Variants in TECPR1 observed in about 807,000 individuals in gnomAD.
TECPR1 encodes the protein tectonin beta-propeller repeat-containing protein 1.
TECPR1 carries 122 observed loss-of-function variants against 162.4 expected under a neutral mutation model. The observed-to-expected ratio is 0.75, with a 90% CI of 0.65 to 0.87. The LOEUF (loss-of-function observed/expected upper bound fraction) is 0.87, where lower values mean the gene tolerates loss of function less well. TECPR1 is among the 40% of genes least tolerant of loss of function. The probability of loss-of-function intolerance (pLI) is 0.00; values close to 1 mark genes in which losing one functional copy is unlikely to be tolerated. For missense variants in TECPR1, 1,432 were observed against 1,618.2 expected (o/e 0.88, Z 1.97); for synonymous variants, 642 against 670.6 (o/e 0.96, Z 0.66).
chr7:98,238,685 G>T, intron 8 of TECPR1, 75 bp from the exon 9 acceptor site: 1 of 1,174,270 alleles, frequency 8.5e-7, no homozygotes. Flanking sequence ...AAGCCTCAGG[G>T]AGAACAAGTG....
At chr7:98,238,722 G>T in intron 8 of TECPR1, 112 bp from the exon 9 acceptor site, 1 of 859,398 alleles carries the variant, frequency 1.2e-6, no homozygotes. Context: ...GGTTCACGTC[G>T]CAAATGAGCA....
Position 98,247,977 on chromosome 7 carries a change from T to C in TECPR1, c.-19-1812A>G, listed in dbSNP as rs1487356244. Among the ~76,000 whole-genome samples the C allele has an allele frequency of 3.3e-5, 5 of 152,300 alleles. No individual in the cohort carries two copies. The East Asian group carries it at 9.7e-4, about 29-fold the overall frequency. On this transcript the variant is annotated intron_variant, in intron 2 of 25. Transcript: ENST00000447648. ...CTGGCCTCAAGCGATCCTCCCACCT[T>C]GGCCTCCCGAAGCGCTGGGATTATA...
chr7:98,220,070 G>A (rs182729220), intron 23 of TECPR1, among the ~76,000 whole-genome samples: 52 of 152,074 alleles, frequency 3.4e-4, no homozygotes, highest in African/African-American at 9.9e-4. Context: ...AGCCAGGCGC[G>A]GTGGCTCATG....
intron 11 of TECPR1, 192 bp from the exon 12 acceptor site, chr7:98,233,164 C>T: frequency 1.3e-6 from 1 of 793,082 alleles, no homozygotes. Context: ...AAGCAGCCAC[C>T]ACCGCTAGCA....
intron 8 of TECPR1, among the ~76,000 whole-genome samples, chr7:98,238,947 G>A (rs1798674525): frequency 6.6e-6 from 1 of 152,140 alleles, no homozygotes; most frequent in African/African-American, 2.4e-5. Flanking sequence ...GAAAGACAAC[G>A]GCCTTAATAC....
chr7:98,229,079 G>A lies in TECPR1; in HGVS notation c.2370C>T (p.Ala790=), dbSNP rs902354509. Residue 790 remains alanine (A), a synonymous_variant, in exon 16 of 26, where the codon GCC becomes GCT. Transcript: ENST00000447648. The part of the protein sequence containing the change: ...VVWGIGYDHT[A]WVYTGGYGGG... The stretch of plus-strand genomic sequence containing the variant: ...CTCCATAGCCGCCTGTGTATACCCA[G>A]GCCGTGTGGTCATAGCCGATGCCCC... 6.3e-7 allele frequency: 1 copy of A among 1,592,472 alleles called. No homozygotes were observed. The highest frequency in any genetic ancestry group is 1.3e-5 in the African/African-American group (1 of 74,694).
chr7:98,238,407 G>A (rs1421007873), intron 9 of TECPR1, 102 bp downstream of exon 9: 3 of 925,196 alleles, frequency 3.2e-6, no homozygotes, highest in Non-Finnish European at 5.2e-6. Flanking sequence ...TGGAGTGGGG[G>A]GCTCTCCTAC....
chr7:98,246,612 C>T (rs562002775), intron 2 of TECPR1, among the ~76,000 whole-genome samples: 1 of 151,312 alleles, frequency 6.6e-6, no homozygotes, highest in Non-Finnish European at 1.5e-5. Flanking sequence ...GACGGAGTCT[C>T]GCTCTGTTGC....
intron 17 of TECPR1, among the ~76,000 whole-genome samples, chr7:98,225,304 G>A (rs570624542): frequency 8.3e-4 from 127 of 152,352 alleles, no homozygotes; most frequent in Non-Finnish European, 1.2e-3. Context: ...GGAGGCTGAC[G>A]CGGGCAGATC....
In TECPR1 at chr7:98,217,501, T is replaced by C. The variant is rs773879827; in HGVS notation, c.3387A>G (p.Gly1129=). Residue 1129 remains glycine (G), a splice_region_variant and synonymous_variant, in exon 26 of 26, where the codon GGA becomes GGG. Transcript: ENST00000447648. ...CCCGGACAGAGATATGGTCCCAGCC[T>C]CCCTGGAAGGAGAGAGCTGTGTCAC... ...KGHGWDYGIG[G]GWDHISVRAN... 1 of 1,601,846 alleles carries C rather than the reference T, an allele frequency of 6.2e-7. No homozygotes were observed. Among genetic ancestry groups the C allele is most frequent in the African/African-American group, 1.3e-5 (1 of 74,732 alleles).
intron 16 of TECPR1, 65 bp from the exon 17 acceptor site, chr7:98,228,181 G>A (rs368735267): frequency 4.1e-5 from 52 of 1,278,628 alleles, no homozygotes; most frequent in Admixed American, 1.2e-4. Flanking sequence ...CTGGCTTTCC[G>A]TCTGAAGCAC....
At chr7:98,228,905 G>C in intron 16 of TECPR1, 134 bp downstream of exon 16, 7 of 1,291,012 alleles carry the variant, frequency 5.4e-6, no homozygotes, top group Non-Finnish European at 7.3e-6. Context: ...CAGTGGTGAA[G>C]GTCACCTGTC....
At position 98,231,930 on chromosome 7, in the gene TECPR1, C is replaced by T. The variant is rs1798453632; in HGVS notation, c.1848G>A (p.Gln616=). The change falls in exon 13 of 26, where the codon CAG becomes CAA. Residue 616 remains glutamine (Q), a synonymous_variant. Transcript: ENST00000447648. ...TGTGGGGCTTCCAGTCGCACCACCA[C>T]TGCAGCGCCCCGGTCTTCACCCACA... ...QSVWVKTGAL[Q]WWCDWKPHKW... is the part of the protein sequence containing the mutation. 1 of 1,608,038 alleles carries T rather than the reference C, an allele frequency of 6.2e-7. No individual in the cohort carries two copies. The highest frequency in any genetic ancestry group is 8.5e-7 in the Non-Finnish European group (1 of 1,179,730).
At position 98,243,476 on chromosome 7, in the gene TECPR1, C is replaced by A; in HGVS notation, c.648G>T (p.Leu216=). 6.2e-7 allele frequency: 1 copy of A among 1,612,448 alleles called. No homozygotes were observed. The highest frequency in any genetic ancestry group is 8.5e-7 in the Non-Finnish European group (1 of 1,179,788). Residue 216 remains leucine (L), a synonymous_variant, in exon 6 of 26, where the codon CTG becomes CTT. Coordinates refer to ENST00000447648, the MANE Select transcript of TECPR1 (RefSeq NM_015395.3). ...VGRLSVWAVS[L]QGKVWYREDV... Reference sequence around the variant, plus strand: ...GAGGGGTTGGCCTTACCTTGCCCTGCAGAGACACAGCCCACACTGACAGGC... The same window carrying A: ...GAGGGGTTGGCCTTACCTTGCCCTGAAGAGACACAGCCCACACTGACAGGC...
chr7:98,215,994 C>T lies in TECPR1; in HGVS notation c.*1396G>A, dbSNP rs1166915539. On this transcript the variant is annotated 3_prime_UTR_variant, in exon 26 of 26. Coordinates refer to ENST00000447648, the MANE Select transcript of TECPR1 (RefSeq NM_015395.3). ...CCCCCAGCTGACAGTGAGACCAGGA[C>T]CCTAGGAAGGTCAGGTGGTGGTGAA... is the stretch of plus-strand genomic sequence containing the variant. 2 of 152,396 alleles carry T rather than the reference C, an allele frequency of 1.3e-5. No individual in the cohort carries two copies. Among genetic ancestry groups the T allele is most frequent in the Middle Eastern group, 3.4e-3 (1 of 294 alleles). The allele number at this position is 152,396 out of a possible 1,614,324, so 9.4% of individuals were successfully genotyped here.
chr7:98,225,067 G>T lies in TECPR1; in HGVS notation c.2549C>A (p.Ala850Asp), dbSNP rs549811472. 4.1e-5 allele frequency: 65 copies of T among 1,568,944 alleles called. No homozygotes were observed. Among genetic ancestry groups the T allele is most frequent in the Non-Finnish European group, 5.2e-5 (60 of 1,159,198 alleles). The change falls in exon 18 of 26, where the codon GCC becomes GAC. Residue 850 changes from alanine to aspartate, a missense_variant. Physicochemically the swap from Ala to Asp is moderately radical, Grantham distance 126 (BLOSUM62 -2). Transcript: ENST00000447648. ...LPTDRYMWSD[A>D]SGLQECTKAG... ...CTTCGTGCACTCCTGCAGCCCCGAG[G>T]CATCGCTCCACATGTACCGGTCCGT... is the stretch of plus-strand genomic sequence containing the variant.
At chr7:98,223,777 C>T (rs781716434) in intron 19 of TECPR1, 59 bp from the exon 20 acceptor site, 9 of 1,570,250 alleles carry the variant, frequency 5.7e-6, no homozygotes, top group South Asian at 1.1e-5. Flanking sequence ...GGAAAGGGAC[C>T]GTGCATGTAA....
At position 98,228,161 on chromosome 7, in the gene TECPR1, G is replaced by A. The variant is rs372848599; in HGVS notation, c.2411-45C>T. Reference sequence around the variant, plus strand: ...CTGGGACCGAGGCCACATACGCTCCGCTTGGGACTCTGGCTTTCCGTCTGA... The same window carrying A: ...CTGGGACCGAGGCCACATACGCTCCACTTGGGACTCTGGCTTTCCGTCTGA... On this transcript the variant is annotated intron_variant, in intron 16 of 25. Transcript: ENST00000447648. 2.4e-5 allele frequency: 35 copies of A among 1,436,532 alleles called. No homozygotes were observed. In the African/African-American group the frequency reaches 3.2e-4, roughly 13 times the overall value. 89.0% of individuals were successfully genotyped at this position (1,436,532 alleles called of 1,614,324 possible).
intron 15 of TECPR1, among the ~76,000 whole-genome samples, chr7:98,230,539 CCT>C (rs1798402413): frequency 6.6e-6 from 1 of 152,196 alleles, no homozygotes; most frequent in African/African-American, 2.4e-5. Flanking sequence ...GCGGCTCTCT[CCT>C]CTCTGCCCCC....
Sources: gnomAD v4.1 joint callset for allele counts (sites outside exome capture counted in the v4.1 genomes callset) on GRCh38, gnomAD v4.1.1 for gene constraint, MANE v1.5 for transcripts, NCBI Gene and HGNC (gene_info 2026-07-23, HGNC 2026-07-21) for gene names.